The following PDSS2 variants were observed in gnomAD, a reference collection of about 807,000 sequenced individuals.
PDSS2 encodes all trans-polyprenyl-diphosphate synthase PDSS2.
In PDSS2, 31 loss-of-function variants were observed where a neutral mutation model predicts 44.5. That is an observed-to-expected ratio of 0.70 (90% CI 0.52 to 0.94). PDSS2 has a LOEUF of 0.94. Among genes scored for constraint, PDSS2 ranks in the 40% least tolerant of loss-of-function variants. The pLI, the probability that PDSS2 is intolerant of heterozygous loss-of-function variation, is 0.00. For synonymous variants in PDSS2, 157 were observed against 180.3 expected (o/e 0.87, Z 1.03); for missense variants, 452 against 482.2 (o/e 0.94, Z 0.59).
chr6:107,294,086 C>T (rs1298672393), intron 2 of PDSS2, among the ~76,000 whole-genome samples: 1 of 152,018 alleles, frequency 6.6e-6, no homozygotes, highest in Non-Finnish European at 1.5e-5. Context: ...TGTCATTCTG[C>T]AAAGACCTCT....
intron 6 of PDSS2, among the ~76,000 whole-genome samples, chr6:107,201,936 C>A (rs1216514948): frequency 6.6e-6 from 1 of 152,198 alleles, no homozygotes; most frequent in Admixed American, 6.5e-5. Flanking sequence ...CCTTTCTCTC[C>A]ATGACCATTT....
At chr6:107,215,771 TA>T (rs1228442694) in intron 4 of PDSS2, among the ~76,000 whole-genome samples, 1 of 152,200 alleles carries the variant, frequency 6.6e-6, no homozygotes, top group Non-Finnish European at 1.5e-5. Context: ...CTTTCATACA[TA>T]AAAACTAATC....
Position 107,344,382 on chromosome 6 carries a change from CA to C in PDSS2, c.297-10051del, listed in dbSNP as rs61272424. ...GTTAATTTCCATGGAAAAAATGACCCAAAATGTATTATTACTGCCATATCTA... is the reference window on the plus strand; with the variant it reads ...GTTAATTTCCATGGAAAAAATGACCCAAATGTATTATTACTGCCATATCTA... On this transcript the variant is annotated intron_variant, in intron 1 of 7. Coordinates refer to ENST00000369037, the MANE Select transcript of PDSS2 (RefSeq NM_020381.4). 0.014 allele frequency among the ~76,000 whole-genome samples: 2,122 copies of C among 151,992 alleles called. 143 individuals carry two copies. In the East Asian group the frequency reaches 0.22, roughly 16 times the overall value.
intron 1 of PDSS2, among the ~76,000 whole-genome samples, chr6:107,431,862 T>C (rs924442484): frequency 6.6e-6 from 1 of 152,198 alleles, no homozygotes; most frequent in Non-Finnish European, 1.5e-5. Flanking sequence ...ATATGACCTC[T>C]TTTACAGATG....
intron 1 of PDSS2, among the ~76,000 whole-genome samples, chr6:107,348,164 G>T (rs1368403464): frequency 6.6e-6 from 1 of 152,196 alleles, no homozygotes; most frequent in Non-Finnish European, 1.5e-5. Context: ...TGGGCAACAG[G>T]AGTGGCAGAG....
chr6:107,429,901 AATATATAT>A (rs869061691), intron 1 of PDSS2, among the ~76,000 whole-genome samples: 391 of 31,564 alleles, frequency 0.012, 18 homozygotes, highest in South Asian at 0.033. Flanking sequence ...AAAAAAAAAA[AATATATAT>A]ATATATATAT....
At chr6:107,291,459 C>T (rs1776342995) in intron 2 of PDSS2, among the ~76,000 whole-genome samples, 3 of 151,034 alleles carry the variant, frequency 2.0e-5, no homozygotes, top group Non-Finnish European at 4.4e-5. Flanking sequence ...GGAAGCCTTC[C>T]ACTTCAACCT....
chr6:107,346,245 A>G (rs1289963111), intron 1 of PDSS2, among the ~76,000 whole-genome samples: 1 of 152,204 alleles, frequency 6.6e-6, no homozygotes, highest in Non-Finnish European at 1.5e-5. Context: ...GCTCTATCCT[A>G]GCAGGAAGAA....
At chr6:107,155,590 T>C (rs1554245431) in intron 7 of PDSS2, among the ~76,000 whole-genome samples, 1 of 151,608 alleles carries the variant, frequency 6.6e-6, no homozygotes, top group African/African-American at 2.4e-5. Flanking sequence ...ACTTTTTTTT[T>C]TTTTTTTTGA....
chr6:107,321,995 C>A (rs1032780863), intron 2 of PDSS2, among the ~76,000 whole-genome samples: 2 of 152,190 alleles, frequency 1.3e-5, no homozygotes, highest in African/African-American at 4.8e-5. Flanking sequence ...TAGTTTTGGG[C>A]TCCCTCAACC....
At chr6:107,394,109 TTCTC>T (rs1203047659) in intron 1 of PDSS2, among the ~76,000 whole-genome samples, 2 of 152,210 alleles carry the variant, frequency 1.3e-5, no homozygotes, top group African/African-American at 2.4e-5. Context: ...TTTCTGTTTG[TTCTC>T]TCTTTTTTCC....
rs765013424 is a variant in PDSS2 at position 107,402,533 on chromosome 6, TTA to T, written c.296+56455_296+56456del. On this transcript the variant is annotated intron_variant, in intron 1 of 7. Transcript: ENST00000369037. ...ATACACACACATATATACATACATT[TTA>T]TATATATATATATATATAAAAATAT... is the stretch of plus-strand genomic sequence containing the variant. 8.8e-3 allele frequency among the ~76,000 whole-genome samples: 561 copies of T among 63,808 alleles called. 9 individuals are homozygous for T. Among genetic ancestry groups the T allele is most frequent in the African/African-American group, 0.018 (391 of 21,206 alleles). The allele number at this position is 63,808 out of a possible 152,430, so 41.9% of individuals were successfully genotyped here. A position where few individuals can be genotyped will look rare whatever the true frequency, so the allele number is the denominator to read the frequency against.
intron 4 of PDSS2, among the ~76,000 whole-genome samples, chr6:107,242,167 A>G (rs1409351411): frequency 2.0e-5 from 3 of 152,212 alleles, no homozygotes; most frequent in Non-Finnish European, 4.4e-5. Flanking sequence ...TGGTTAACCT[A>G]AATTGGACCT....
chr6:107,271,246 C>T (rs1220487348), intron 3 of PDSS2, among the ~76,000 whole-genome samples: 2 of 150,458 alleles, frequency 1.3e-5, no homozygotes, highest in Non-Finnish European at 2.9e-5. Flanking sequence ...TCCTTATTAA[C>T]TTTCTTAAGA....
chr6:107,249,931 T>C (rs1774757118), intron 3 of PDSS2, among the ~76,000 whole-genome samples: 1 of 152,216 alleles, frequency 6.6e-6, no homozygotes, highest in South Asian at 2.1e-4. Flanking sequence ...ATAATTAACC[T>C]TTGTGATGAA....
intron 1 of PDSS2, among the ~76,000 whole-genome samples, chr6:107,401,015 G>A (rs1271577402): frequency 6.6e-6 from 1 of 152,202 alleles, no homozygotes; most frequent in Admixed American, 6.5e-5. Flanking sequence ...CCCGTTGCAT[G>A]GGACATCCAA....
intron 7 of PDSS2, among the ~76,000 whole-genome samples, chr6:107,159,963 T>C (rs1015065555): frequency 1.3e-4 from 19 of 151,946 alleles, no homozygotes; most frequent in Admixed American, 3.3e-4. Flanking sequence ...CTCCTGTAAT[T>C]CCAGCACTTT....
rs1164014672 is a variant in PDSS2, at chr6:107,208,285, C to CTTTTT, written c.1008+2149_1008+2153dup. ...ACAGGTGTAAGCCACCATGCCTGGC[C>CTTTTT]TTTTTTTTTTTTTTTTTTTTTTTTT... On this transcript the variant is annotated intron_variant, in intron 6 of 7. Coordinates refer to ENST00000369037, the MANE Select transcript of PDSS2 (RefSeq NM_020381.4). Among the ~76,000 whole-genome samples the CTTTTT allele has an allele frequency of 1.0e-3, 55 of 53,304 alleles. 2 individuals carry two copies. Among genetic ancestry groups the CTTTTT allele is most frequent in the South Asian group, 6.3e-3 (5 of 800 alleles). 35.0% of individuals were successfully genotyped at this position (53,304 alleles called of 152,430 possible).
intron 1 of PDSS2, among the ~76,000 whole-genome samples, chr6:107,372,156 G>A (rs147719692): frequency 6.6e-6 from 1 of 152,122 alleles, no homozygotes; most frequent in African/African-American, 2.4e-5. Flanking sequence ...GGCAGTCAAG[G>A]GGGGTAGTCA....
Sources: allele counts gnomAD v4.1 joint callset (sites outside exome capture counted in the v4.1 genomes callset), GRCh38; gene constraint gnomAD v4.1.1; transcripts MANE v1.5; gene names NCBI Gene and HGNC (gene_info 2026-07-23, HGNC 2026-07-21).